The following CACNA1E variants were observed in gnomAD, a reference collection of about 807,000 sequenced individuals.
CACNA1E encodes calcium voltage-gated channel subunit alpha1 E, also known as voltage-dependent R-type calcium channel subunit alpha-1E.
CACNA1E carries 40 observed loss-of-function variants against 259.2 expected under a neutral mutation model. The ratio of observed to expected loss-of-function variants is 0.15; its 90% CI spans 0.12 to 0.20. The LOEUF is 0.20. Ranked by LOEUF, CACNA1E falls within the 10% of genes least tolerant of loss-of-function variation. CACNA1E has a pLI of 1.00. For missense variants in CACNA1E, 1,874 were observed against 3,040.1 expected (o/e 0.62, Z 9.02); for synonymous variants, 1,104 against 1,138.5 (o/e 0.97, Z 0.61).
At chr1:181,593,798 A>C (rs1652894828) in intron 6 of CACNA1E, among the ~76,000 whole-genome samples, 1 of 152,052 alleles carries the variant, frequency 6.6e-6, no homozygotes. Flanking sequence ...CAGCCTCCCA[A>C]AGTGCTGGGA....
In CACNA1E at chr1:181,329,070, C is replaced by T. The variant is rs372151737; in HGVS notation, c.-15+10947C>T. Among the ~76,000 whole-genome samples, 327 of 149,364 alleles carry T rather than the reference C, an allele frequency of 2.2e-3. 3 individuals are homozygous for T. Among genetic ancestry groups the T allele is most frequent in the African/African-American group, 7.8e-3 (321 of 41,224 alleles). ...CTCTGCCTCCAAATCTGTTTTTCCT[C>T]CAGCTTTCTTTGTCTTGGTGAGTGG... is the stretch of plus-strand genomic sequence containing the variant. On this transcript the variant is annotated intron_variant, in intron 1 of 11. Coordinates refer to the CACNA1E transcript ENST00000524607.
At chr1:181,632,867 T>G (rs180714086) in intron 6 of CACNA1E, among the ~76,000 whole-genome samples, 12 of 152,298 alleles carry the variant, frequency 7.9e-5, no homozygotes, top group Admixed American at 3.3e-4. Flanking sequence ...ACACAATCCA[T>G]GTATTCAAAG....
rs767695195 is a variant in CACNA1E at position 181,576,326 on chromosome 1, G to A, written c.513-1440G>A. On this transcript the variant is annotated intron_variant, in intron 3 of 47. Transcript: ENST00000367573. ...TAATGATGCTCTACAGGTAGCTCCC[G>A]GATACTTGGAGTTTTGGGAAGGGTG... Among the ~76,000 whole-genome samples, 4 of 152,162 alleles carry A rather than the reference G, an allele frequency of 2.6e-5. 1 individual carries two copies. The highest frequency in any genetic ancestry group is 7.2e-5 in the African/African-American group (3 of 41,422).
chr1:181,628,309 C>CAG (rs1450102387), intron 6 of CACNA1E, among the ~76,000 whole-genome samples: 1 of 152,178 alleles, frequency 6.6e-6, no homozygotes, highest in Non-Finnish European at 1.5e-5. Flanking sequence ...AGAGTGGATA[C>CAG]AGTGGCTCTG....
chr1:181,757,458 ATG>A (rs1411439762), intron 30 of CACNA1E, among the ~76,000 whole-genome samples: 1 of 152,200 alleles, frequency 6.6e-6, no homozygotes, highest in African/African-American at 2.4e-5. Flanking sequence ...AGGGCAGGGA[ATG>A]TGTCTTATCG....
intron 44 of CACNA1E, among the ~76,000 whole-genome samples, chr1:181,792,420 TGTGTGTGTGCATATGGA>T (rs1661404350): frequency 6.6e-6 from 1 of 152,224 alleles, no homozygotes; most frequent in Admixed American, 6.5e-5. Context: ...TGGCCATGAT[TGTGTGTGTGCATATGGA>T]GTGTGTGTCT....
chr1:181,723,284 A>G (rs1020358170), intron 16 of CACNA1E, among the ~76,000 whole-genome samples: 1 of 152,194 alleles, frequency 6.6e-6, no homozygotes, highest in African/African-American at 2.4e-5. Context: ...CCAGCCTCCC[A>G]GAATGGGGAG....
At chr1:181,705,367 T>C (rs997076451) in intron 7 of CACNA1E, among the ~76,000 whole-genome samples, 1 of 152,260 alleles carries the variant, frequency 6.6e-6, no homozygotes, top group African/African-American at 2.4e-5. Context: ...TTACAATTTA[T>C]ATTTCTCATG....
Position 181,766,629 on chromosome 1 carries a change from G to T in CACNA1E, c.4881+18G>T. On this transcript the variant is annotated intron_variant, in intron 35 of 47. Transcript: ENST00000367573. ...GGATGCAGGTGAGCTGGTAAATCAA[G>T]GGCCCGGTGGGGGACAGCTGTTACC... is the stretch of plus-strand genomic sequence containing the variant. The T allele has an allele frequency of 6.3e-7, 1 of 1,574,856 alleles. No individual in the cohort carries two copies. Among genetic ancestry groups the T allele is most frequent in the Non-Finnish European group, 8.7e-7 (1 of 1,145,518 alleles).
At chr1:181,345,848 G>T (rs1031889214) in intron 1 of CACNA1E, among the ~76,000 whole-genome samples, 1 of 152,204 alleles carries the variant, frequency 6.6e-6, no homozygotes. Flanking sequence ...GGGGCTCCAG[G>T]ATCACTGAGT....
chr1:181,623,154 T>C (rs560761120), intron 6 of CACNA1E, among the ~76,000 whole-genome samples: 1 of 152,268 alleles, frequency 6.6e-6, no homozygotes, highest in East Asian at 1.9e-4. Flanking sequence ...ATGCAACCCC[T>C]CAGTTAAAAT....
rs1466562651 is a variant in CACNA1E at position 181,507,478 on chromosome 1, G to A, written c.267-2999G>A. On this transcript the variant is annotated intron_variant, in intron 1 of 47. Coordinates refer to ENST00000367573, the MANE Select transcript of CACNA1E (RefSeq NM_001205293.3). ...TAACTGGCTAGGAAAATGCAGGTAT[G>A]GGTGTGGAAGCAGGGAGCTGGGGCA... 2.6e-5 allele frequency among the ~76,000 whole-genome samples: 4 copies of A among 152,242 alleles called. No homozygotes were observed. The East Asian group carries it at 5.8e-4, about 22-fold the overall frequency.
Position 181,381,059 on chromosome 1 carries a change from G to A in CACNA1E, c.-14-32074G>A, listed in dbSNP as rs546359198. On this transcript the variant is annotated intron_variant, in intron 1 of 11. Coordinates refer to the CACNA1E transcript ENST00000524607. ...TGGGCATCTGTAATCCCAGCTACTCGGGAGGCTGAGGCAGGAGAATCGCTT... is the reference window on the plus strand; with the variant it reads ...TGGGCATCTGTAATCCCAGCTACTCAGGAGGCTGAGGCAGGAGAATCGCTT... Among the ~76,000 whole-genome samples the A allele has an allele frequency of 1.3e-3, 200 of 152,056 alleles. 1 individual carries two copies. Among genetic ancestry groups the A allele is most frequent in the South Asian group, 8.5e-3 (41 of 4,804 alleles).
intron 7 of CACNA1E, among the ~76,000 whole-genome samples, chr1:181,661,678 T>A (rs772863984): frequency 1.1e-4 from 16 of 152,164 alleles, no homozygotes; most frequent in Non-Finnish European, 1.9e-4. Flanking sequence ...AAGCTATAAT[T>A]TTTTGAGACT....
chr1:181,548,383 C>T (rs1647753832), intron 3 of CACNA1E, among the ~76,000 whole-genome samples: 1 of 152,166 alleles, frequency 6.6e-6, no homozygotes, highest in Non-Finnish European at 1.5e-5. Flanking sequence ...GCGTTGGCCT[C>T]CCAAAGTGCT....
chr1:181,787,903 CAG>C (rs770957753), intron 43 of CACNA1E, among the ~76,000 whole-genome samples: 3 of 152,150 alleles, frequency 2.0e-5, no homozygotes, highest in Admixed American at 6.5e-5. Flanking sequence ...GAGAGATACA[CAG>C]GGGCTAGTAC....
chr1:181,461,476 G>T (rs1661808818), intron 2 of CACNA1E, among the ~76,000 whole-genome samples: 2 of 148,114 alleles, frequency 1.4e-5, no homozygotes, highest in Admixed American at 1.4e-4. Context: ...GGGAGGCGGA[G>T]CTTGCAGTGA....
chr1:181,607,838 C>T (rs1654378216), intron 6 of CACNA1E, among the ~76,000 whole-genome samples: 1 of 152,094 alleles, frequency 6.6e-6, no homozygotes, highest in African/African-American at 2.4e-5. Context: ...GTGTTTCAGG[C>T]AGCATCCTGG....
intron 1 of CACNA1E, among the ~76,000 whole-genome samples, chr1:181,335,125 C>T (rs1443840167): frequency 1.3e-5 from 2 of 152,226 alleles, no homozygotes; most frequent in African/African-American, 4.8e-5. Context: ...GTCACTGTAT[C>T]AGTGAGGCCT....
Sources: allele counts gnomAD v4.1 joint callset (sites outside exome capture counted in the v4.1 genomes callset), GRCh38; gene constraint gnomAD v4.1.1; transcripts MANE v1.5; gene names NCBI Gene and HGNC (gene_info 2026-07-23, HGNC 2026-07-21).